Variants in MED13 observed in about 807,000 individuals in gnomAD.
The protein encoded by MED13 is mediator complex subunit 13.
Under a neutral mutation model 225.2 loss-of-function variants are expected in MED13, and 23 were observed. The ratio of observed to expected loss-of-function variants is 0.10; its 90% confidence interval spans 0.07 to 0.14. The LOEUF (loss-of-function observed/expected upper bound fraction) is 0.14. MED13 is among the 10% of genes least tolerant of loss of function. The pLI is 1.00. For missense variants in MED13, 2,197 were observed against 2,594.5 expected, an observed-to-expected ratio of 0.85 and a Z score of 3.33; for synonymous variants, 942 against 889.2, an observed-to-expected ratio of 1.06 and a Z score of -1.06.
At chr17:61,985,584 T>C (rs1432360577) in intron 12 of MED13, among the ~76,000 whole-genome samples, 1 of 152,126 alleles carries the variant, frequency 6.6e-6, no homozygotes, top group Non-Finnish European at 1.5e-5. Flanking sequence ...GGCACAAGAA[T>C]TGCTTGAGCC....
chr17:61,951,709 T>C (rs1054837241), intron 27 of MED13, among the ~76,000 whole-genome samples: 2 of 152,000 alleles, frequency 1.3e-5, no homozygotes, highest in African/African-American at 4.8e-5. Context: ...TGCTTAAAAG[T>C]AAAAATGGTT....
chr17:62,011,305 T>A, intron 8 of MED13, 72 bp from the exon 9 acceptor site: 1 of 1,252,268 alleles, frequency 8.0e-7, no homozygotes, highest in Non-Finnish European at 1.1e-6. Context: ...CAGTTAATAG[T>A]ATTAGACACT....
chr17:61,975,852 C>T (rs2080150937), intron 16 of MED13, among the ~76,000 whole-genome samples: 1 of 152,098 alleles, frequency 6.6e-6, no homozygotes, highest in Non-Finnish European at 1.5e-5. Context: ...CCCATTTCTA[C>T]TAAAAATACA....
chr17:62,019,244 T>A (rs750956709), intron 8 of MED13, among the ~76,000 whole-genome samples: 2 of 152,256 alleles, frequency 1.3e-5, no homozygotes, highest in Non-Finnish European at 2.9e-5. Context: ...TTAAAGAGAC[T>A]TGCACAACTG....
intron 2 of MED13, 82 bp downstream of exon 2, chr17:62,062,985 T>A: frequency 9.3e-7 from 1 of 1,074,132 alleles, no homozygotes; most frequent in South Asian, 1.7e-5. Flanking sequence ...AAAAACAAAC[T>A]TAATTTGTAA....
chr17:62,015,625 G>A (rs961650133), intron 8 of MED13, among the ~76,000 whole-genome samples: 1 of 148,216 alleles, frequency 6.7e-6, no homozygotes, highest in Non-Finnish European at 1.5e-5. Flanking sequence ...CCAGGCTGGA[G>A]TGCAGTGGCG....
At position 61,952,968 on chromosome 17, in the gene MED13, G is replaced by T; in HGVS notation, c.6114C>A (p.Gly2038=). 6.2e-7 allele frequency: 1 copy of T among 1,612,462 alleles called. No homozygotes were observed. Among genetic ancestry groups the T allele is most frequent in the South Asian group, 1.1e-5 (1 of 90,864 alleles). The change falls in exon 27 of 30, where the codon GGC becomes GGA. Residue 2038 remains glycine, a synonymous_variant. Transcript: ENST00000397786. The part of the protein sequence containing the change: ...GSHYPHGGDA[G]KGQSTDRLLS... ...CTAAAACTTGTAACACAGTTACCTT[G>T]CCCGCATCACCTCCATGGGGGTAAT...
intron 2 of MED13, among the ~76,000 whole-genome samples, chr17:62,057,431 T>C (rs916473947): frequency 3.3e-5 from 5 of 152,058 alleles, no homozygotes; most frequent in African/African-American, 9.7e-5. Flanking sequence ...GCAGAAGAAA[T>C]ACAGCAAATG....
intron 11 of MED13, among the ~76,000 whole-genome samples, chr17:61,990,627 G>GTATGTATATATATATATA (rs1555635070): frequency 5.0e-4 from 70 of 139,004 alleles, no homozygotes; most frequent in African/African-American, 1.8e-3. Flanking sequence ...GGCGCACTGT[G>GTATGTATATATATATATA]TATATATATA....
chr17:61,961,188 G>GGGTA, intron 22 of MED13, 98 bp from the exon 23 acceptor site: 1 of 1,124,398 alleles, frequency 8.9e-7, no homozygotes, highest in Non-Finnish European at 1.2e-6. Flanking sequence ...TAAGATAATT[G>GGGTA]GAAAATGACA....
chr17:62,013,090 C>T (rs1456686526), intron 8 of MED13, among the ~76,000 whole-genome samples: 3 of 151,804 alleles, frequency 2.0e-5, no homozygotes, highest in South Asian at 2.1e-4. Context: ...TGCGCCCGGC[C>T]GAGACACCTT....
intron 3 of MED13, among the ~76,000 whole-genome samples, chr17:62,045,015 A>G (rs563615538): frequency 6.6e-6 from 1 of 150,548 alleles, no homozygotes; most frequent in African/African-American, 2.4e-5. Context: ...TACAGTAAAT[A>G]TATCAAAAAA....
intron 9 of MED13, among the ~76,000 whole-genome samples, chr17:61,996,034 C>A (rs960167608): frequency 1.5e-4 from 23 of 152,040 alleles, no homozygotes; most frequent in Admixed American, 2.0e-4. Flanking sequence ...TCTCTTTATT[C>A]TCCTAAAATA....
chr17:61,990,627 G>GTGTATATATATATATATA (rs906431943), intron 11 of MED13, among the ~76,000 whole-genome samples: 70 of 138,994 alleles, frequency 5.0e-4, no homozygotes, highest in African/African-American at 1.8e-3. Flanking sequence ...GGCGCACTGT[G>GTGTATATATATATATATA]TATATATATA....
intron 9 of MED13, among the ~76,000 whole-genome samples, 195 bp from the exon 10 acceptor site, chr17:61,995,560 C>T (rs2080340119): frequency 6.6e-6 from 1 of 152,054 alleles, no homozygotes; most frequent in South Asian, 2.1e-4. Flanking sequence ...GAAATGGGGC[C>T]AAAATCCAAG....
intron 2 of MED13, among the ~76,000 whole-genome samples, chr17:62,059,143 G>T (rs1289223399): frequency 6.6e-6 from 1 of 151,778 alleles, no homozygotes; most frequent in African/African-American, 2.4e-5. Flanking sequence ...TGAGATCCTA[G>T]AAAAGAAAAA....
At chr17:61,949,525 C>T (rs942826116) in intron 28 of MED13, among the ~76,000 whole-genome samples, 1 of 152,054 alleles carries the variant, frequency 6.6e-6, no homozygotes, top group Non-Finnish European at 1.5e-5. Flanking sequence ...CTGTGCCCAG[C>T]CTGAGTTTGT....
At chr17:61,977,360 T>C (rs1474954566) in intron 16 of MED13, among the ~76,000 whole-genome samples, 1 of 152,236 alleles carries the variant, frequency 6.6e-6, no homozygotes, top group Admixed American at 6.5e-5. Flanking sequence ...GGAGGAAACA[T>C]GCCAAGGGCT....
intron 3 of MED13, among the ~76,000 whole-genome samples, chr17:62,039,610 T>G (rs1426217858): frequency 8.2e-6 from 1 of 122,596 alleles, no homozygotes; most frequent in South Asian, 2.8e-4. Context: ...TTTTTTTTTT[T>G]GAGACAGTTT....
Sources: allele counts gnomAD v4.1 joint callset (sites outside exome capture counted in the v4.1 genomes callset), GRCh38; gene constraint gnomAD v4.1.1; transcripts MANE v1.5; gene names NCBI Gene and HGNC (gene_info 2026-07-23, HGNC 2026-07-21).